Variants in PDE8A observed in about 807,000 individuals in gnomAD.
PDE8A encodes the protein phosphodiesterase 8A.
In PDE8A, 59 loss-of-function variants were observed where a neutral mutation model predicts 105.0. The observed-to-expected ratio is 0.56, with a 90% CI of 0.46 to 0.70. PDE8A has a LOEUF of 0.70. PDE8A is among the 30% of genes least tolerant of loss of function. The probability of loss-of-function intolerance (pLI) is 0.00; values close to 1 mark genes in which losing one functional copy is unlikely to be tolerated. For missense variants in PDE8A, 1,014 were observed against 1,045.9 expected (o/e 0.97, Z 0.42); for synonymous variants, 355 against 371.9 (o/e 0.95, Z 0.52).
intron 6 of PDE8A, among the ~76,000 whole-genome samples, chr15:85,089,041 T>C (rs940558429): frequency 2.6e-5 from 4 of 152,154 alleles, no homozygotes; most frequent in Non-Finnish European, 5.9e-5. Flanking sequence ...GTTCAGTCAC[T>C]TGCCCAGGGT....
intron 1 of PDE8A, among the ~76,000 whole-genome samples, chr15:85,037,222 C>T (rs34787669): frequency 0.12 from 18,082 of 152,092 alleles, 1,341 homozygotes; most frequent in South Asian, 0.23. Context: ...CCCACGACCA[C>T]GCCCAGCTAA....
chr15:85,004,984 G>A (rs2080123001), intron 1 of PDE8A, among the ~76,000 whole-genome samples: 1 of 151,240 alleles, frequency 6.6e-6, no homozygotes, highest in Non-Finnish European at 1.5e-5. Context: ...TAGTCCATAT[G>A]ATTTTTTTTC....
chr15:85,113,199 T>G (rs1456739262), intron 12 of PDE8A, among the ~76,000 whole-genome samples, 178 bp from the exon 13 acceptor site: 1 of 152,172 alleles, frequency 6.6e-6, no homozygotes, highest in Non-Finnish European at 1.5e-5. Flanking sequence ...TGCCTAGAAC[T>G]GAAGGAAACA....
chr15:85,125,692 T>C (rs904646705), intron 19 of PDE8A, among the ~76,000 whole-genome samples: 1 of 152,168 alleles, frequency 6.6e-6, no homozygotes, highest in Non-Finnish European at 1.5e-5. Flanking sequence ...CCATCAAATA[T>C]GTTAGGTGTT....
chr15:84,997,451 C>A (rs564871168), intron 1 of PDE8A, among the ~76,000 whole-genome samples: 1 of 152,120 alleles, frequency 6.6e-6, no homozygotes, highest in Admixed American at 6.5e-5. Context: ...CCACTTTGGC[C>A]TCCCAAAGTG....
At chr15:85,023,825 A>T (rs1196243513) in intron 1 of PDE8A, among the ~76,000 whole-genome samples, 1 of 152,070 alleles carries the variant, frequency 6.6e-6, no homozygotes, top group African/African-American at 2.4e-5. Flanking sequence ...CAGTGTTCCA[A>T]GTGTTCAGGG....
At chr15:85,076,825 A>G (rs775648821) in intron 5 of PDE8A, 38 bp downstream of exon 5, 31 of 1,227,306 alleles carry the variant, frequency 2.5e-5, no homozygotes, top group Non-Finnish European at 3.5e-5. Flanking sequence ...GTATAATTCA[A>G]TTTGAGAAAT....
At chr15:85,090,596 T>A in intron 7 of PDE8A, 1 of 263,792 alleles carries the variant, frequency 3.8e-6, no homozygotes, top group Non-Finnish European at 8.0e-6. Flanking sequence ...CGGATAAGAG[T>A]CTCAGAGGGA....
intron 5 of PDE8A, among the ~76,000 whole-genome samples, chr15:85,080,854 GC>G (rs1019375706): frequency 6.6e-6 from 1 of 152,150 alleles, no homozygotes; most frequent in African/African-American, 2.4e-5. Context: ...TTAGGTGCAC[GC>G]CCCTGTGAGG....
In PDE8A at chr15:85,089,406, G is replaced by T. The variant is rs192339320; in HGVS notation, c.704G>T (p.Arg235Leu). ...EDAIEITSED[R>L]FIQYANPAFE... ...GCAATTGAAATTACAAGCGAAGACC[G>T]TTTTATACAGGTTTGTTATTTTGGA... The change falls in exon 7 of 22, where the codon CGT becomes CTT. Residue 235 changes from arginine (R) to leucine (L), a missense_variant. Physicochemically the swap from Arg to Leu is moderately radical, Grantham distance 102. Transcript: ENST00000394553. The T allele has an allele frequency of 5.8e-6, 9 of 1,563,960 alleles. No individual in the cohort carries two copies. The Admixed American group carries it at 1.5e-4, about 27-fold the overall frequency.
In PDE8A at chr15:84,982,089, C is replaced by T; in HGVS notation, c.-74C>T. 9.8e-7 allele frequency: 1 copy of T among 1,022,078 alleles called. No homozygotes were observed. Among genetic ancestry groups the T allele is most frequent in the Non-Finnish European group, 1.2e-6 (1 of 807,180 alleles). 63.3% of individuals were successfully genotyped at this position (1,022,078 alleles called of 1,614,324 possible). A position where few individuals can be genotyped will look rare whatever the true frequency, so the allele number is the denominator to read the frequency against. On this transcript the variant is annotated 5_prime_UTR_variant, in exon 1 of 22. Transcript: ENST00000394553. ...CGATGACACGGCGCCCGCGGCGGCC[C>T]GGAGGCGCCGGGTGGGCCGTTTGCT... is the stretch of plus-strand genomic sequence containing the variant.
Position 85,015,919 on chromosome 15 carries a change from C to T in PDE8A, c.186+33571C>T, listed in dbSNP as rs368640667. 1.2e-4 allele frequency among the ~76,000 whole-genome samples: 19 copies of T among 152,152 alleles called. No individual in the cohort carries two copies. In the Middle Eastern group the frequency reaches 0.01, roughly 82 times the overall value. On this transcript the variant is annotated intron_variant, in intron 1 of 21. Transcript: ENST00000394553. ...TGGGAGGGTGAGGTGGGCAATCACTCGAGGCCAGGAATTGGAGACCAGCCT... is the reference window on the plus strand; with the variant it reads ...TGGGAGGGTGAGGTGGGCAATCACTTGAGGCCAGGAATTGGAGACCAGCCT...
chr15:85,066,934 GTC>G (rs967333505), intron 2 of PDE8A, 78 bp from the exon 3 acceptor site: 130 of 1,092,662 alleles, frequency 1.2e-4, no homozygotes, highest in Non-Finnish European at 2.4e-5. Context: ...GCAAGACTCT[GTC>G]TCAAGAAAAA....
chr15:84,986,125 G>A (rs1047434741), intron 1 of PDE8A, among the ~76,000 whole-genome samples: 1 of 152,192 alleles, frequency 6.6e-6, no homozygotes. Context: ...TACTTGGGAG[G>A]CTGAGGTGGG....
intron 1 of PDE8A, among the ~76,000 whole-genome samples, chr15:85,057,570 C>T (rs1424808373): frequency 6.6e-6 from 1 of 152,108 alleles, no homozygotes; most frequent in Non-Finnish European, 1.5e-5. Flanking sequence ...GAGATGAAGC[C>T]GGTACCTCAG....
At chr15:85,016,950 CT>C (rs769768560) in intron 1 of PDE8A, among the ~76,000 whole-genome samples, 562 of 141,248 alleles carry the variant, frequency 4.0e-3, no homozygotes, top group Non-Finnish European at 5.0e-3. Flanking sequence ...CTGAATTTCC[CT>C]TTTTTTTTTT....
chr15:85,046,755 A>G (rs2080894012), intron 1 of PDE8A, among the ~76,000 whole-genome samples: 1 of 152,182 alleles, frequency 6.6e-6, no homozygotes, highest in East Asian at 1.9e-4. Flanking sequence ...GGTTGGAATT[A>G]TATATCTATT....
intron 1 of PDE8A, among the ~76,000 whole-genome samples, chr15:85,006,433 C>T (rs550030695): frequency 7.9e-5 from 12 of 152,228 alleles, no homozygotes; most frequent in Admixed American, 7.8e-4. Context: ...GGTCCAGGCA[C>T]TCAGTTAGTT....
intron 1 of PDE8A, among the ~76,000 whole-genome samples, chr15:85,005,494 G>C (rs1271774426): frequency 1.3e-5 from 2 of 152,110 alleles, no homozygotes; most frequent in African/African-American, 4.8e-5. Flanking sequence ...CAAATTTGTT[G>C]ATTTTATAGC....
Sources: gnomAD v4.1 joint callset for allele counts (sites outside exome capture counted in the v4.1 genomes callset) on GRCh38, gnomAD v4.1.1 for gene constraint, MANE v1.5 for transcripts, NCBI Gene and HGNC (gene_info 2026-07-23, HGNC 2026-07-21) for gene names.